Variants in HENMT1 observed in about 807,000 individuals in gnomAD.
HENMT1 encodes the protein HEN methyltransferase 1, also known as small RNA 2'-O-methyltransferase.
In HENMT1, 27 loss-of-function variants were observed where a neutral mutation model predicts 31.1. That is an observed-to-expected ratio of 0.87 (90% confidence interval 0.64 to 1.20). The LOEUF is 1.20. HENMT1 is among the 50% of genes most tolerant of loss of function. The pLI is 0.00. For synonymous variants in HENMT1, 167 were observed against 172.2 expected (o/e 0.97, Z 0.24); for missense variants, 438 against 469.6 (o/e 0.93, Z 0.62).
In HENMT1 at chr1:108,651,103, G is replaced by A. The variant is rs766052911; in HGVS notation, c.505C>T (p.Pro169Ser). The change falls in exon 6 of 8, where the codon CCC (proline) becomes TCC (serine). Residue 169 changes from proline (P) to serine (S), a missense_variant. By Grantham distance (74) the Pro-to-Ser change is moderately conservative. Coordinates refer to ENST00000651461, the MANE Select transcript of HENMT1 (RefSeq NM_001102592.2). ...CTTAAGGTCACTGATGGAAACAGGGGATTGAATTCAGAGTTTGGTGTGCTG... is the reference window on the plus strand; with the variant it reads ...CTTAAGGTCACTGATGGAAACAGGGAATTGAATTCAGAGTTTGGTGTGCTG... ...VISTPNSEFN[P>S]LFPSVTLRDS... 3.1e-6 allele frequency: 5 copies of A among 1,613,702 alleles called. No homozygotes were observed. The highest frequency in any genetic ancestry group is 3.4e-6 in the Non-Finnish European group (4 of 1,179,616).
intron 2 of HENMT1, among the ~76,000 whole-genome samples, chr1:108,658,533 T>C (rs1250583727): frequency 6.6e-6 from 1 of 152,194 alleles, no homozygotes; most frequent in East Asian, 1.9e-4. Context: ...TCCTGAGTAG[T>C]TGGGCATCTG....
rs1237274632 is a variant in HENMT1, at chr1:108,658,131, A to AT, written c.22-553dup. ...CACACACACACACATATATATATAT[A>AT]TATTTTTTTTTTCCCCCCAAGACGG... On this transcript the variant is annotated intron_variant, in intron 2 of 7. Coordinates refer to ENST00000651461, the MANE Select transcript of HENMT1 (RefSeq NM_001102592.2). Among the ~76,000 whole-genome samples the AT allele has an allele frequency of 7.1e-3, 1,005 of 142,264 alleles. 15 individuals are homozygous for AT. Among genetic ancestry groups the AT allele is most frequent in the African/African-American group, 0.027 (930 of 34,700 alleles). The allele number at this position is 142,264 out of a possible 152,430, so 93.3% of individuals were successfully genotyped here. A position where few individuals can be genotyped will look rare whatever the true frequency, so the allele number is the denominator to read the frequency against.
intron 1 of HENMT1, among the ~76,000 whole-genome samples, chr1:108,660,272 A>G (rs1379033345): frequency 6.6e-6 from 1 of 152,220 alleles, no homozygotes; most frequent in Admixed American, 6.5e-5. Flanking sequence ...GACATTCGCA[A>G]ACAGGCTCAG....
intron 7 of HENMT1, among the ~76,000 whole-genome samples, 186 bp from the exon 8 acceptor site, chr1:108,649,177 A>G (rs572249282): frequency 6.6e-5 from 10 of 152,280 alleles, no homozygotes; most frequent in African/African-American, 2.4e-4. Context: ...GAAATTAACT[A>G]TCCGATTTGC....
rs537599422 is a variant in HENMT1 at position 108,649,948 on chromosome 1, C to A, written c.756+263G>T. ...GGATCACAGGTGTGAGCCACTGTAC[C>A]CAGCTACTTTGAAGTATTCTAAGAC... On this transcript the variant is annotated intron_variant, in intron 7 of 7. Transcript: ENST00000651461. 2.1e-5 allele frequency: 11 copies of A among 534,556 alleles called. No individual in the cohort carries two copies. In the African/African-American group the frequency reaches 2.1e-4, roughly 10 times the overall value. The allele number at this position is 534,556 out of a possible 1,614,324, so 33.1% of individuals were successfully genotyped here.
intron 5 of HENMT1, among the ~76,000 whole-genome samples, chr1:108,651,677 GAAGGA>G (rs1452194939): frequency 6.9e-6 from 1 of 144,044 alleles, no homozygotes; most frequent in Non-Finnish European, 1.5e-5. Flanking sequence ...AGGAAGGAAG[GAAGGA>G]AAGAAAGAAA....
At chr1:108,658,189 T>A (rs1418730571) in intron 2 of HENMT1, among the ~76,000 whole-genome samples, 1 of 151,752 alleles carries the variant, frequency 6.6e-6, no homozygotes, top group Non-Finnish European at 1.5e-5. Context: ...TGGAGTGCAG[T>A]GGCGCGATCT....
Position 108,657,475 on chromosome 1 carries a change from TA to T in HENMT1, c.125del (p.Leu42Ter). ...YRQRYQFVKN[L>X]VDQHEPKKVA... ...CCTTCTTAGGCTCATGTTGATCCAC[TA>T]AATTTTTAACGAACTGGTACCGCTG... On this transcript the variant is annotated frameshift_variant, in exon 3 of 8. Coordinates refer to ENST00000651461, the MANE Select transcript of HENMT1 (RefSeq NM_001102592.2). LOFTEE classifies it high-confidence loss of function. 6.2e-7 allele frequency: 1 copy of T among 1,609,496 alleles called. No homozygotes were observed. Among genetic ancestry groups the T allele is most frequent in the Non-Finnish European group, 8.5e-7 (1 of 1,176,306 alleles).
chr1:108,649,556 C>T, intron 7 of HENMT1: 1 of 358,582 alleles, frequency 2.8e-6, no homozygotes, highest in South Asian at 2.1e-5. Flanking sequence ...TTCAAGGTTA[C>T]AGTGAGCCAT....
In HENMT1 at chr1:108,657,501, G is replaced by T; in HGVS notation, c.100C>A (p.Gln34Lys). 1 of 1,610,246 alleles carries T rather than the reference G, an allele frequency of 6.2e-7. No individual in the cohort carries two copies. The highest frequency in any genetic ancestry group is 8.5e-7 in the Non-Finnish European group (1 of 1,176,650). The change falls in exon 3 of 8, where the codon CAG (glutamine) becomes AAG (lysine). Residue 34 changes from glutamine (Q) to lysine (K), a missense_variant. Coordinates refer to ENST00000651461, the MANE Select transcript of HENMT1 (RefSeq NM_001102592.2). ...AAATTTTTAACGAACTGGTACCGCTGTCTGTATAGTGGAGGTTTAAACTGA... is the reference window on the plus strand; with the variant it reads ...AAATTTTTAACGAACTGGTACCGCTTTCTGTATAGTGGAGGTTTAAACTGA... ...AIQFKPPLYR[Q>K]RYQFVKNLVD... is the part of the protein sequence containing the mutation.
chr1:108,651,246 G>C (rs1418916934), intron 5 of HENMT1, 37 bp from the exon 6 acceptor site: 1 of 1,518,810 alleles, frequency 6.6e-7, no homozygotes, highest in African/African-American at 1.4e-5. Context: ...ATAAAATCTA[G>C]CTTCACTTGC....
intron 5 of HENMT1, among the ~76,000 whole-genome samples, chr1:108,652,010 T>C (rs887889106): frequency 6.6e-6 from 1 of 152,296 alleles, no homozygotes; most frequent in East Asian, 1.9e-4. Flanking sequence ...GACACTCAGA[T>C]ACAGCGACAT....
rs1444330976 is a variant in HENMT1, at chr1:108,659,920, T to A, written c.-36A>T. On this transcript the variant is annotated 5_prime_UTR_variant, in exon 2 of 8. Transcript: ENST00000651461. The stretch of plus-strand genomic sequence containing the variant: ...AGTTTTGTTGAAACAAAAATGAAGA[T>A]TTATCCTTCAAGCTCTATTTGAGAG... 3.1e-6 allele frequency: 5 copies of A among 1,592,672 alleles called. No individual in the cohort carries two copies. The African/African-American group carries it at 5.4e-5, about 17-fold the overall frequency.
At chr1:108,649,726 G>C (rs1657992474) in intron 7 of HENMT1, among the ~76,000 whole-genome samples, 1 of 152,258 alleles carries the variant, frequency 6.6e-6, no homozygotes, top group South Asian at 2.1e-4. Flanking sequence ...CCTAAGCCAA[G>C]CTGGGGAGAA....
intron 7 of HENMT1, chr1:108,649,473 G>T: frequency 2.3e-6 from 1 of 436,594 alleles, no homozygotes; most frequent in Non-Finnish European, 4.6e-6. Flanking sequence ...AAAAAAAGCT[G>T]AGCATGGTGG....
In HENMT1 at chr1:108,648,723, G is replaced by A; in HGVS notation, c.1025C>T (p.Pro342Leu). The A allele has an allele frequency of 6.2e-7, 1 of 1,614,202 alleles. No homozygotes were observed. Among genetic ancestry groups the A allele is most frequent in the Non-Finnish European group, 8.5e-7 (1 of 1,180,042 alleles). The part of the protein sequence containing the change: ...PFCVGDKFFV[P>L]LQRLLAYPKL... ...GGGATACGCAAGGAGTCTCTGCAGA[G>A]GTACGAAAAATTTATCTCCAACACA... The change falls in exon 8 of 8, where the codon CCT (proline) becomes CTT (leucine). Residue 342 changes from proline (P) to leucine (L), a missense_variant. Transcript: ENST00000651461.
Position 108,648,496 on chromosome 1 carries a change from C to CA in HENMT1, c.*69dup, listed in dbSNP as rs552653775. 3.1e-4 allele frequency: 417 copies of CA among 1,337,090 alleles called. No homozygotes were observed. Among genetic ancestry groups the CA allele is most frequent in the African/African-American group, 5.0e-4 (34 of 67,494 alleles). 82.8% of individuals were successfully genotyped at this position (1,337,090 alleles called of 1,614,324 possible). ...AAACATTACTTGAATTAGGATTACA[C>CA]AAAAAAAACTAAATTCTAAGTGAGC... On this transcript the variant is annotated 3_prime_UTR_variant, in exon 8 of 8. Transcript: ENST00000651461.
At chr1:108,655,750 T>C (rs778564988) in intron 3 of HENMT1, 52 bp from the exon 4 acceptor site, 1 of 1,337,258 alleles carries the variant, frequency 7.5e-7, no homozygotes, top group East Asian at 2.3e-5. Flanking sequence ...AAGAGAAGTA[T>C]GATCAAAAAC....
intron 5 of HENMT1, among the ~76,000 whole-genome samples, chr1:108,651,689 G>GA (rs1241502106): frequency 7.2e-6 from 1 of 138,202 alleles, no homozygotes; most frequent in Non-Finnish European, 1.5e-5. Flanking sequence ...AGGAAAGAAA[G>GA]AAAAGAAAGA....
Sources: gnomAD v4.1 joint callset for allele counts (sites outside exome capture counted in the v4.1 genomes callset) on GRCh38, gnomAD v4.1.1 for gene constraint, MANE v1.5 for transcripts, NCBI Gene and HGNC (gene_info 2026-07-23, HGNC 2026-07-21) for gene names.